Variants in EFCAB7 observed in about 807,000 individuals in gnomAD.
EFCAB7 encodes the protein EF-hand calcium-binding domain-containing protein 7.
A neutral mutation model predicts 77.1 loss-of-function variants in EFCAB7; 66 were observed. That is an observed-to-expected ratio of 0.86 (90% CI 0.70 to 1.05). EFCAB7 has a LOEUF of 1.05. Among genes scored for constraint, EFCAB7 ranks in the 50% least tolerant of loss-of-function variants. The pLI, the probability that EFCAB7 is intolerant of heterozygous loss-of-function variation, is 0.00. For missense variants in EFCAB7, 638 were observed against 730.5 expected (o/e 0.87, Z 1.46); for synonymous variants, 225 against 243.3 (o/e 0.92, Z 0.70).
At chr1:63,560,381 TA>T (rs1408120734) in intron 10 of EFCAB7, among the ~76,000 whole-genome samples, 3 of 152,180 alleles carry the variant, frequency 2.0e-5, no homozygotes, top group South Asian at 2.1e-4. Flanking sequence ...ATATGTCAAA[TA>T]TTTTTTTCAT....
chr1:63,545,931 C>T lies in EFCAB7; in HGVS notation c.820C>T (p.Gln274Ter), dbSNP rs199717970. The change falls in exon 7 of 14, where the codon CAA becomes TAA. Residue 274 changes from glutamine to a stop codon, truncating the protein, a stop_gained. Coordinates refer to ENST00000371088, the MANE Select transcript of EFCAB7 (RefSeq NM_032437.4). LOFTEE classifies it high-confidence loss of function. ...PNLIKDWQHM[Q>*]SKGCFFLEED... ...TTCATTTCAGGACTGGCAACACATGCAATCAAAAGGTTGCTTCTTCTTAGA... is the reference window on the plus strand; with the variant it reads ...TTCATTTCAGGACTGGCAACACATGTAATCAAAAGGTTGCTTCTTCTTAGA... 6.2e-7 allele frequency: 1 copy of T among 1,613,058 alleles called. No individual in the cohort carries two copies. Among genetic ancestry groups the T allele is most frequent in the Admixed American group, 1.7e-5 (1 of 59,736 alleles).
chr1:63,584,140 C>G, the EFCAB7 span, among the ~76,000 whole-genome samples: 2 of 152,104 alleles, frequency 1.3e-5, no homozygotes, highest in African/African-American at 4.8e-5. Context: ...CATAAGGGTT[C>G]TGATTATTCA....
chr1:63,549,257 TA>T, intron 7 of EFCAB7: 1 of 441,464 alleles, frequency 2.3e-6, no homozygotes, highest in Non-Finnish European at 4.6e-6. Context: ...AAGACCATAA[TA>T]AAAGAGACCT....
At chr1:63,577,093 G>A (rs1272070261), downstream of EFCAB7, among the ~76,000 whole-genome samples, 1 of 150,770 alleles carries the variant, frequency 6.6e-6, no homozygotes, top group Non-Finnish European at 1.5e-5. Flanking sequence ...GTTGCAGTGA[G>A]CTGAGATCTG....
At chr1:63,540,246 C>A (rs1646811800) in intron 6 of EFCAB7, among the ~76,000 whole-genome samples, 1 of 151,664 alleles carries the variant, frequency 6.6e-6, no homozygotes, top group African/African-American at 2.4e-5. Flanking sequence ...CCCCTGTAAT[C>A]CCAGCTACTC....
At chr1:63,581,230 G>A in the EFCAB7 span, among the ~76,000 whole-genome samples, 1 of 151,812 alleles carries the variant, frequency 6.6e-6, no homozygotes, top group African/African-American at 2.4e-5. Flanking sequence ...CCTTAATTAG[G>A]TTATAGAAGT....
chr1:63,552,855 T>C (rs567777362), intron 8 of EFCAB7, among the ~76,000 whole-genome samples: 1 of 152,308 alleles, frequency 6.6e-6, no homozygotes, highest in East Asian at 1.9e-4. Flanking sequence ...ACAAATAAAA[T>C]TGGCTGAAGT....
downstream of EFCAB7, among the ~76,000 whole-genome samples, chr1:63,575,162 T>G (rs115842189): frequency 6.4e-3 from 972 of 152,260 alleles, 12 homozygotes; most frequent in African/African-American, 0.023. Context: ...CCTTCCAACT[T>G]TAAAGTTTTA....
At chr1:63,533,171 A>C (rs1244162552) in intron 4 of EFCAB7, among the ~76,000 whole-genome samples, 1 of 152,166 alleles carries the variant, frequency 6.6e-6, no homozygotes, top group Non-Finnish European at 1.5e-5. Context: ...TTTTGAACAA[A>C]TGCAAGCCTA....
rs778453393 is a variant in EFCAB7, at chr1:63,534,217, G to A, written c.804+1G>A. 6 of 1,610,784 alleles carry A rather than the reference G, an allele frequency of 3.7e-6. No individual in the cohort carries two copies. The highest frequency in any genetic ancestry group is 5.1e-6 in the Non-Finnish European group (6 of 1,178,372). ...GTTAATGGAGCCAAATTTAATAAAG[G>A]TATAGTATTTTAAGTTAACAGATGA... is the stretch of plus-strand genomic sequence containing the variant. On this transcript the variant is annotated splice_donor_variant, in intron 6 of 13. Transcript: ENST00000371088. LOFTEE classifies it high-confidence loss of function.
chr1:63,584,277 C>T, the EFCAB7 span, among the ~76,000 whole-genome samples: 78 of 152,136 alleles, frequency 5.1e-4, no homozygotes, highest in African/African-American at 1.5e-3. Context: ...ACAGTGTAGC[C>T]GGGTGTGGTG....
intron 2 of EFCAB7, among the ~76,000 whole-genome samples, chr1:63,527,440 T>TATAAC (rs113491101): frequency 0.57 from 82,601 of 143,930 alleles, 22,966 homozygotes; most frequent in East Asian, 0.7. Flanking sequence ...TTCTGCCACT[T>TATAAC]ATGTGCATTT....
chr1:63,577,794 C>T, the EFCAB7 span, among the ~76,000 whole-genome samples: 74 of 152,098 alleles, frequency 4.9e-4, no homozygotes, highest in African/African-American at 1.7e-3. Context: ...AAGCATTAAA[C>T]TAATGATGTG....
At chr1:63,538,113 T>C (rs925325686) in intron 6 of EFCAB7, among the ~76,000 whole-genome samples, 7 of 152,122 alleles carry the variant, frequency 4.6e-5, no homozygotes, top group Admixed American at 2.0e-4. Flanking sequence ...TTTGCACTTA[T>C]ATGAATTTAC....
At chr1:63,557,932 G>A (rs550572403) in intron 10 of EFCAB7, among the ~76,000 whole-genome samples, 13 of 152,280 alleles carry the variant, frequency 8.5e-5, no homozygotes, top group Admixed American at 5.9e-4. Context: ...ATTAACTCAC[G>A]TATGCTTTCA....
In EFCAB7 at chr1:63,531,964, T is replaced by C; in HGVS notation, c.332T>C (p.Phe111Ser). 6.2e-7 allele frequency: 1 copy of C among 1,612,704 alleles called. No individual in the cohort carries two copies. Among genetic ancestry groups the C allele is most frequent in the Non-Finnish European group, 8.5e-7 (1 of 1,179,112 alleles). ...TCAAAAGCAGAACTACTAAAATCAT[T>C]TAAGCAATTAGATGTAAATGATGAT... ...PTSKAELLKS[F>S]KQLDVNDDGC... is the part of the protein sequence containing the mutation. The change falls in exon 3 of 14, where the codon TTT becomes TCT. Residue 111 changes from phenylalanine to serine, a missense_variant. By Grantham distance (155) the Phe-to-Ser change is radical. Transcript: ENST00000371088.
chr1:63,538,117 A>T (rs1366900926), intron 6 of EFCAB7, among the ~76,000 whole-genome samples: 1 of 152,208 alleles, frequency 6.6e-6, no homozygotes, highest in African/African-American at 2.4e-5. Context: ...CACTTATATG[A>T]ATTTACCTGA....
chr1:63,531,510 G>A (rs926835221), intron 2 of EFCAB7, among the ~76,000 whole-genome samples: 7 of 152,054 alleles, frequency 4.6e-5, no homozygotes, highest in African/African-American at 1.7e-4. Context: ...GCTTTTAGAA[G>A]CTCTTAAGTA....
Position 63,525,643 on chromosome 1 carries a change from C to T in EFCAB7, c.71C>T (p.Thr24Ile). ...TCAACACCTTCAGAGAGTCCTCGAA[C>T]AAAGAAATTTCCACTAACTGAAGAG... ...QKSTPSESPR[T>I]KKFPLTEEEI... Residue 24 changes from threonine to isoleucine, a missense_variant, in exon 2 of 14, where the codon ACA becomes ATA. By Grantham distance (89) the Thr-to-Ile change is moderately conservative (BLOSUM62 -1). Transcript: ENST00000371088. 6.2e-7 allele frequency: 1 copy of T among 1,603,594 alleles called. No individual in the cohort carries two copies. Among genetic ancestry groups the T allele is most frequent in the Non-Finnish European group, 8.5e-7 (1 of 1,177,732 alleles).
Sources: allele counts gnomAD v4.1 joint callset (sites outside exome capture counted in the v4.1 genomes callset), GRCh38; gene constraint gnomAD v4.1.1; transcripts MANE v1.5; gene names NCBI Gene and HGNC (gene_info 2026-07-23, HGNC 2026-07-21).